C6orf89: variants seen among roughly 807,000 people sequenced by gnomAD.
C6orf89 encodes chromosome 6 open reading frame 89.
Under a neutral mutation model 40.7 loss-of-function variants are expected in C6orf89, and 29 were observed. The observed-to-expected ratio is 0.71, with a 90% confidence interval of 0.53 to 0.97. The LOEUF is 0.97. Among genes scored for constraint, C6orf89 ranks in the 50% least tolerant of loss-of-function variants. The pLI is 0.00. For missense variants in C6orf89, 392 were observed against 429.1 expected (o/e 0.91, Z 0.76); for synonymous variants, 165 against 152.2 (o/e 1.08, Z -0.62).
chr6:36,876,724 C>CAAAA (rs71540176), intron 1 of C6orf89, among the ~76,000 whole-genome samples: 18 of 92,102 alleles, frequency 2.0e-4, no homozygotes, highest in Non-Finnish European at 2.2e-4. Flanking sequence ...AACTCCATCT[C>CAAAA]AAAAAAAAAA....
At chr6:36,915,438 G>T (rs1171779636) in intron 6 of C6orf89, among the ~76,000 whole-genome samples, 1 of 152,140 alleles carries the variant, frequency 6.6e-6, no homozygotes. Flanking sequence ...TCATTCTTCA[G>T]ATCAGACAAG....
intron 7 of C6orf89, among the ~76,000 whole-genome samples, chr6:36,917,861 G>A (rs745668103): frequency 5.3e-5 from 8 of 152,122 alleles, no homozygotes; most frequent in East Asian, 3.8e-4. Flanking sequence ...TTTCTCCAGC[G>A]TGTGCAACAC....
chr6:36,881,348 G>A (rs1774801227), upstream of C6orf89, among the ~76,000 whole-genome samples: 1 of 152,188 alleles, frequency 6.6e-6, no homozygotes, highest in South Asian at 2.1e-4. Context: ...TAAAGCTAAA[G>A]GTTTGAACAA....
intron 1 of C6orf89, chr6:36,892,770 A>G (rs1452917374): frequency 2.0e-5 from 3 of 152,196 alleles, no homozygotes; most frequent in Non-Finnish European, 2.9e-5. Context: ...TTGCAGGTCT[A>G]TGCCACTGTT....
At chr6:36,919,155 C>T (rs1762424254) in intron 7 of C6orf89, among the ~76,000 whole-genome samples, 1 of 152,240 alleles carries the variant, frequency 6.6e-6, no homozygotes, top group African/African-American at 2.4e-5. Context: ...ATGTTGTATA[C>T]TTCAGCCACC....
At chr6:36,872,229 T>TAA (rs1774526549) in intron 1 of C6orf89, among the ~76,000 whole-genome samples, 1 of 152,090 alleles carries the variant, frequency 6.6e-6, no homozygotes, top group African/African-American at 2.4e-5. Flanking sequence ...TTCTTACACT[T>TAA]AATTTTTAAT....
chr6:36,891,121 T>A (rs1761194634), intron 1 of C6orf89, among the ~76,000 whole-genome samples: 1 of 152,134 alleles, frequency 6.6e-6, no homozygotes, highest in Non-Finnish European at 1.5e-5. Flanking sequence ...ATTAGGTATA[T>A]CTCCTAATGC....
intron 1 of C6orf89, among the ~76,000 whole-genome samples, chr6:36,872,437 G>A (rs1367245341): frequency 6.6e-6 from 1 of 152,052 alleles, no homozygotes; most frequent in African/African-American, 2.4e-5. Flanking sequence ...GTTTGTTTGG[G>A]AGGGAGTATA....
chr6:36,881,218 AG>A (rs775868322), upstream of C6orf89, among the ~76,000 whole-genome samples: 164 of 152,372 alleles, frequency 1.1e-3, no homozygotes, highest in Non-Finnish European at 2.1e-3. Context: ...CTGAAAAAAT[AG>A]GTTTACATGC....
At chr6:36,880,938 AG>A (rs1343945068), upstream of C6orf89, among the ~76,000 whole-genome samples, 1 of 152,248 alleles carries the variant, frequency 6.6e-6, no homozygotes, top group Non-Finnish European at 1.5e-5. Flanking sequence ...AATTCATGCC[AG>A]ACATGTTGTA....
At position 36,914,409 on chromosome 6, in the gene C6orf89, G is replaced by T; in HGVS notation, c.529G>T (p.Glu177Ter). 1 of 1,614,194 alleles carries T rather than the reference G, an allele frequency of 6.2e-7. No individual in the cohort carries two copies. Residue 177 changes from glutamate (E) to a stop codon, truncating the protein, a stop_gained, in exon 5 of 9, where the codon GAG becomes TAG. Coordinates refer to ENST00000480824, the MANE Select transcript of C6orf89 (RefSeq NM_001286635.2). LOFTEE classifies it high-confidence loss of function. ...MLLEDAPRKF[E>*]RLHPLVIKTG... ...CCTGGAAGACGCCCCAAGGAAATTT[G>T]AGAGGCTCCATCCACTGGTGATCAA... is the stretch of plus-strand genomic sequence containing the variant.
intron 4 of C6orf89, among the ~76,000 whole-genome samples, chr6:36,904,859 G>A (rs974288159): frequency 6.6e-6 from 1 of 152,132 alleles, no homozygotes; most frequent in African/African-American, 2.4e-5. Flanking sequence ...ATGATGGAGG[G>A]CAGCTGCAGC....
At chr6:36,910,907 G>C (rs1266479159) in intron 4 of C6orf89, among the ~76,000 whole-genome samples, 1 of 152,170 alleles carries the variant, frequency 6.6e-6, no homozygotes, top group African/African-American at 2.4e-5. Flanking sequence ...ATTGTGGCCA[G>C]TAGAGTAAGA....
At chr6:36,919,331 C>T (rs1330846549) in intron 7 of C6orf89, among the ~76,000 whole-genome samples, 1 of 152,150 alleles carries the variant, frequency 6.6e-6, no homozygotes, top group African/African-American at 2.4e-5. Context: ...CACAGTGCCT[C>T]TTTAGGAGAA....
chr6:36,885,846 AGT>A, upstream of C6orf89: 1 of 447,532 alleles, frequency 2.2e-6, no homozygotes, highest in Non-Finnish European at 3.7e-6. Context: ...CACGACACTG[AGT>A]GTTCTGTTTT....
chr6:36,919,930 A>G (rs538049387), intron 8 of C6orf89, among the ~76,000 whole-genome samples: 2 of 152,354 alleles, frequency 1.3e-5, no homozygotes, highest in Admixed American at 1.3e-4. Flanking sequence ...GCGTGTGTCT[A>G]TTGATCATAG....
chr6:36,880,944 G>A (rs374581803), upstream of C6orf89, among the ~76,000 whole-genome samples: 1 of 152,184 alleles, frequency 6.6e-6, no homozygotes, highest in Non-Finnish European at 1.5e-5. Context: ...TGCCAGACAT[G>A]TTGTACAATT....
intron 1 of C6orf89, chr6:36,874,686 C>G (rs1279370827): frequency 1.9e-6 from 3 of 1,612,142 alleles, no homozygotes; most frequent in Admixed American, 3.3e-5. Flanking sequence ...CGCGTCTCCT[C>G]TGCCAGCCCC....
chr6:36,920,940 G>A (rs1169432872), intron 8 of C6orf89, among the ~76,000 whole-genome samples: 3 of 151,368 alleles, frequency 2.0e-5, no homozygotes, highest in South Asian at 2.1e-4. Context: ...CGGCTCCCAC[G>A]AGCAACCGGA....
Sources: allele counts gnomAD v4.1 joint callset (sites outside exome capture counted in the v4.1 genomes callset), GRCh38; gene constraint gnomAD v4.1.1; transcripts MANE v1.5; gene names NCBI Gene and HGNC (gene_info 2026-07-23, HGNC 2026-07-21).